Variants in DCAF11 observed in about 807,000 individuals in gnomAD.
DCAF11 encodes the protein DDB1- and CUL4-associated factor 11.
A neutral mutation model predicts 76.1 loss-of-function variants in DCAF11; 44 were observed. The ratio of observed to expected loss-of-function variants is 0.58; its 90% CI spans 0.45 to 0.74. The LOEUF (loss-of-function observed/expected upper bound fraction) is 0.74. Ranked by LOEUF, DCAF11 falls within the 30% of genes least tolerant of loss-of-function variation. DCAF11 has a pLI of 0.00. For synonymous variants in DCAF11, 258 were observed against 255.0 expected, an observed-to-expected ratio of 1.01 and a Z score of -0.11; for missense variants, 604 against 709.4, an observed-to-expected ratio of 0.85 and a Z score of 1.69.
rs17101347 is a variant in DCAF11 at position 24,114,903 on chromosome 14, G to T, written c.-604G>T. Reference sequence around the variant, plus strand: ...TAAACAAGGCCTCGCGCCGCTGCGGGTCCTGCGACCGCTCCTGGCTGGTGG... The same window carrying T: ...TAAACAAGGCCTCGCGCCGCTGCGGTTCCTGCGACCGCTCCTGGCTGGTGG... On this transcript the variant is annotated 5_prime_UTR_variant, in exon 1 of 15. Coordinates refer to ENST00000446197, the MANE Select transcript of DCAF11 (RefSeq NM_025230.5). The T allele has an allele frequency of 4.5e-3, 4,451 of 985,944 alleles. 155 individuals carry two copies. The African/African-American group carries it at 0.073, about 16-fold the overall frequency. 61.1% of individuals were successfully genotyped at this position (985,944 alleles called of 1,614,324 possible).
In DCAF11 at chr14:24,120,939, G is replaced by A. The variant is rs1217263627; in HGVS notation, c.1194G>A (p.Gln398=). Reference sequence around the variant, plus strand: ...GGGAAGGCATGGAAGCTTCACGCCAGGCTGCCACACAGCAAAACTGGGACT... The same window carrying A: ...GGGAAGGCATGGAAGCTTCACGCCAAGCTGCCACACAGCAAAACTGGGACT... ...SSREGMEASR[Q]AATQQNWDYR... Residue 398 remains glutamine, a synonymous_variant, in exon 12 of 15, where the codon CAG becomes CAA. Transcript: ENST00000446197. 6.2e-7 allele frequency: 1 copy of A among 1,614,056 alleles called. No homozygotes were observed. The highest frequency in any genetic ancestry group is 1.7e-5 in the Admixed American group (1 of 60,006).
intron 7 of DCAF11, 68 bp from the exon 8 acceptor site, chr14:24,118,682 T>TC: frequency 6.2e-7 from 1 of 1,603,810 alleles, no homozygotes; most frequent in Non-Finnish European, 8.5e-7. Flanking sequence ...TTTGATCTCT[T>TC]CCCTAGCTTC....
chr14:24,115,397 G>A lies in DCAF11; in HGVS notation c.-198G>A. The A allele has an allele frequency of 3.2e-6, 2 of 617,020 alleles. No individual in the cohort carries two copies. The highest frequency in any genetic ancestry group is 5.2e-6 in the Non-Finnish European group (2 of 388,104). The allele number at this position is 617,020 out of a possible 1,614,324, so 38.2% of individuals were successfully genotyped here. A position where few individuals can be genotyped will look rare whatever the true frequency, so the allele number is the denominator to read the frequency against. On this transcript the variant is annotated 5_prime_UTR_variant, in exon 2 of 15. In the 5' UTR this introduces an upstream ATG that the reference lacks. Transcript: ENST00000446197. ...TGCTTCACAGGATTGGAGAAGGTTTGTGTTCCCGACGCCTTGGTAGTTGGC... is the reference window on the plus strand; with the variant it reads ...TGCTTCACAGGATTGGAGAAGGTTTATGTTCCCGACGCCTTGGTAGTTGGC...
chr14:24,117,239 G>C lies in DCAF11; in HGVS notation c.284-27G>C. On this transcript the variant is annotated intron_variant, in intron 3 of 14. Transcript: ENST00000446197. This position sits in a 1 kb window ranked among gnomAD's most constrained non-coding sequence, Gnocchi z 4.3. ...TGTCCTCTGAGGCTGGCAGACCTAG[G>C]ATGAAACTTCTCCTTGGTACTCACA... is the stretch of plus-strand genomic sequence containing the variant. 2 of 1,613,866 alleles carry C rather than the reference G, an allele frequency of 1.2e-6. No homozygotes were observed. Among genetic ancestry groups the C allele is most frequent in the Non-Finnish European group, 1.7e-6 (2 of 1,179,840 alleles).
In DCAF11 at chr14:24,121,507, C is replaced by T; in HGVS notation, c.1389C>T (p.Gly463=). Residue 463 remains glycine (G), a synonymous_variant, in exon 13 of 15, where the codon GGC becomes GGT. Coordinates refer to ENST00000446197, the MANE Select transcript of DCAF11 (RefSeq NM_025230.5). ...QQFIYSGCST[G]KVVVYDLLSG... is the part of the protein sequence containing the mutation. ...TCATCTACAGTGGCTGCTCCACTGG[C>T]AAAGTGGTTGGTAAGGATTGTGTCA... 2.5e-6 allele frequency: 4 copies of T among 1,614,098 alleles called. No homozygotes were observed. The highest frequency in any genetic ancestry group is 3.4e-6 in the Non-Finnish European group (4 of 1,180,000).
In DCAF11 at chr14:24,123,436, C is replaced by T; in HGVS notation, c.*127C>T. The stretch of plus-strand genomic sequence containing the variant: ...TGATGGGGAATAACATAAGCCTGGG[C>T]TCTGAGCCTCAGCTGAGCCCTGGAA... On this transcript the variant is annotated 3_prime_UTR_variant, in exon 15 of 15. Coordinates refer to ENST00000446197, the MANE Select transcript of DCAF11 (RefSeq NM_025230.5). 1 of 1,381,142 alleles carries T rather than the reference C, an allele frequency of 7.2e-7. No homozygotes were observed. Among genetic ancestry groups the T allele is most frequent in the East Asian group, 2.5e-5 (1 of 39,552 alleles). The allele number at this position is 1,381,142 out of a possible 1,614,324, so 85.6% of individuals were successfully genotyped here.
At position 24,118,605 on chromosome 14, in the gene DCAF11, G is replaced by A. The variant is rs138016331; in HGVS notation, c.724+71G>A. On this transcript the variant is annotated intron_variant, in intron 7 of 14. Coordinates refer to ENST00000446197, the MANE Select transcript of DCAF11 (RefSeq NM_025230.5). ...AGGTTTCCATGTGCCTGTCCCCTCT[G>A]AGCCAGGATCCCTCACTTTGTCCTG... 1,923 of 1,599,868 alleles carry A rather than the reference G, an allele frequency of 1.2e-3. 12 individuals are homozygous for A. The African/African-American group carries it at 0.018, about 15-fold the overall frequency.
intron 9 of DCAF11, 167 bp from the exon 10 acceptor site, chr14:24,119,392 G>C (rs2037647223): frequency 1.3e-5 from 15 of 1,172,626 alleles, no homozygotes; most frequent in Admixed American, 1.9e-5. Flanking sequence ...GAGATTGGAG[G>C]TGTCAAGCCT....
chr14:24,116,071 A>C (rs559848932), intron 2 of DCAF11, among the ~76,000 whole-genome samples: 1 of 151,450 alleles, frequency 6.6e-6, no homozygotes, highest in Non-Finnish European at 1.5e-5. Flanking sequence ...TCCTAGTGGG[A>C]AAGGAGTGAT....
Position 24,123,488 on chromosome 14 carries a change from TCCTTACGTGCTCACAC to T in DCAF11, c.*182_*197del, listed in dbSNP as rs1219903164. The T allele has an allele frequency of 8.1e-6, 8 of 990,476 alleles. No individual in the cohort carries two copies. Among genetic ancestry groups the T allele is most frequent in the Non-Finnish European group, 1.1e-5 (8 of 736,140 alleles). 61.4% of individuals were successfully genotyped at this position (990,476 alleles called of 1,614,324 possible). A position where few individuals can be genotyped will look rare whatever the true frequency, so the allele number is the denominator to read the frequency against. ...ATTCTCCCCATGGGGCAGAGTGGTCTCCTTACGTGCTCACACCCAGTCAGCTTGGGTCCCTATCTCT... is the reference window on the plus strand; with the variant it reads ...ATTCTCCCCATGGGGCAGAGTGGTCTCCAGTCAGCTTGGGTCCCTATCTCT... On this transcript the variant is annotated 3_prime_UTR_variant, in exon 15 of 15. Coordinates refer to ENST00000446197, the MANE Select transcript of DCAF11 (RefSeq NM_025230.5).
intron 6 of DCAF11, 72 bp from the exon 7 acceptor site, chr14:24,118,316 G>A: frequency 1.9e-6 from 3 of 1,606,226 alleles, no homozygotes; most frequent in Non-Finnish European, 2.6e-6. Flanking sequence ...GGTACACTGA[G>A]TGGGAGATGT....
chr14:24,122,839 G>A, intron 13 of DCAF11, 132 bp from the exon 14 acceptor site: 1 of 718,548 alleles, frequency 1.4e-6, no homozygotes, highest in South Asian at 1.8e-5. Flanking sequence ...CAGTCTTCTG[G>A]TGTGGGCTTT....
chr14:24,115,460 G>A lies in DCAF11; in HGVS notation c.-135G>A. 7.7e-7 allele frequency: 1 copy of A among 1,297,218 alleles called. No homozygotes were observed. The highest frequency in any genetic ancestry group is 1.6e-5 in the South Asian group (1 of 61,182). The allele number at this position is 1,297,218 out of a possible 1,614,324, so 80.4% of individuals were successfully genotyped here. A position where few individuals can be genotyped will look rare whatever the true frequency, so the allele number is the denominator to read the frequency against. The stretch of plus-strand genomic sequence containing the variant: ...AAAGGGATCTCAGCCCCGAGGAAGG[G>A]TCACCCTCCTAGAGATAGCTACTAC... On this transcript the variant is annotated 5_prime_UTR_variant, in exon 2 of 15. Coordinates refer to ENST00000446197, the MANE Select transcript of DCAF11 (RefSeq NM_025230.5).
chr14:24,117,358 G>T lies in DCAF11; in HGVS notation c.376G>T (p.Ala126Ser), dbSNP rs61744791. 1.9e-6 allele frequency: 3 copies of T among 1,614,150 alleles called. No individual in the cohort carries two copies. Among genetic ancestry groups the T allele is most frequent in the Non-Finnish European group, 2.5e-6 (3 of 1,180,030 alleles). The change falls in exon 4 of 15, where the codon GCC becomes TCC. Residue 126 changes from alanine to serine, a missense_variant. Physicochemically the swap from Ala to Ser is moderately conservative, Grantham distance 99. Transcript: ENST00000446197. The surrounding 1 kb of genome is among the most constrained non-coding windows in gnomAD (Gnocchi z 4.3). ...ATGQLGLRRAAQKHSFPRMLH... is the reference protein window; with the variant it reads ...ATGQLGLRRASQKHSFPRMLH... ...AGGGCAGCTGGGGCTTAGGCGGGCC[G>T]CCCAGAAGCACAGCTTTCCTCGAAT...
chr14:24,121,273 C>A, intron 12 of DCAF11, 92 bp from the exon 13 acceptor site: 1 of 1,519,166 alleles, frequency 6.6e-7, no homozygotes, highest in South Asian at 1.2e-5. Context: ...AGGCATTTGT[C>A]TCTGGGCATC....
At chr14:24,115,351 AC>A in intron 1 of DCAF11, 30 bp from the exon 2 acceptor site, 1 of 423,394 alleles carries the variant, frequency 2.4e-6, no homozygotes, top group Non-Finnish European at 4.1e-6. Context: ...GTAGCGCACT[AC>A]GGTTCACTCT....
rs150621060 is a variant in DCAF11 at position 24,124,041 on chromosome 14, GTCTC to G, written c.*741_*744del. 3 of 152,094 alleles carry G rather than the reference GTCTC, an allele frequency of 2.0e-5. No homozygotes were observed. Among genetic ancestry groups the G allele is most frequent in the Admixed American group, 6.5e-5 (1 of 15,268 alleles). The allele number at this position is 152,094 out of a possible 1,614,324, so 9.4% of individuals were successfully genotyped here. On this transcript the variant is annotated 3_prime_UTR_variant, in exon 15 of 15. Coordinates refer to ENST00000446197, the MANE Select transcript of DCAF11 (RefSeq NM_025230.5). The stretch of plus-strand genomic sequence containing the variant: ...TGTGTGGGAACCTGGCTCAGTGTCT[GTCTC>G]TCTCTCTCACTCTCTGTTTTTCCTA...
At position 24,118,323 on chromosome 14, in the gene DCAF11, A is replaced by G. The variant is rs1019920084; in HGVS notation, c.578-65A>G. On this transcript the variant is annotated intron_variant, in intron 6 of 14. Coordinates refer to ENST00000446197, the MANE Select transcript of DCAF11 (RefSeq NM_025230.5). ...ACTCCACAGGTACACTGAGTGGGAG[A>G]TGTCTAATCTAGAAAAGTTACAAGG... The G allele has an allele frequency of 8.7e-6, 14 of 1,607,264 alleles. No individual in the cohort carries two copies. The African/African-American group carries it at 1.2e-4, about 14-fold the overall frequency.
intron 13 of DCAF11, among the ~76,000 whole-genome samples, chr14:24,122,477 C>T (rs376304728): frequency 1.3e-3 from 179 of 136,194 alleles, no homozygotes; most frequent in African/African-American, 4.5e-3. Context: ...GCAACAAGAG[C>T]GAGACTCCAT....
Sources: allele counts gnomAD v4.1 joint callset (sites outside exome capture counted in the v4.1 genomes callset), GRCh38; gene constraint gnomAD v4.1.1; non-coding constraint Gnocchi (gnomAD v3.1); transcripts MANE v1.5; gene names NCBI Gene and HGNC (gene_info 2026-07-23, HGNC 2026-07-21).